TSHZ3: variants seen among roughly 807,000 people sequenced by gnomAD.
TSHZ3 encodes the protein teashirt zinc finger homeobox 3, also known as teashirt homolog 3.
A neutral mutation model predicts 64.5 loss-of-function variants in TSHZ3; 10 were observed. That is an observed-to-expected ratio of 0.16 (90% confidence interval 0.10 to 0.26). The LOEUF is 0.26. Ranked by LOEUF, TSHZ3 falls within the 10% of genes least tolerant of loss-of-function variation. The pLI is 1.00. For synonymous variants in TSHZ3, 608 were observed against 593.1 expected, an observed-to-expected ratio of 1.03 and a Z score of -0.36; for missense variants, 1,242 against 1,421.7, an observed-to-expected ratio of 0.87 and a Z score of 2.03.
intron 1 of TSHZ3, among the ~76,000 whole-genome samples, chr19:31,264,654 T>C (rs1976024990): frequency 6.6e-6 from 1 of 152,174 alleles, no homozygotes; most frequent in South Asian, 2.1e-4. Context: ...CTCACTGTTG[T>C]ATGAAATCTC....
At chr19:31,266,815 T>G (rs377490466) in intron 1 of TSHZ3, among the ~76,000 whole-genome samples, 1 of 152,308 alleles carries the variant, frequency 6.6e-6, no homozygotes, top group Non-Finnish European at 1.5e-5. Context: ...ACCATGAGCC[T>G]CACCATCTCA....
intron 1 of TSHZ3, among the ~76,000 whole-genome samples, chr19:31,265,662 A>G (rs1976045486): frequency 6.6e-6 from 1 of 152,014 alleles, no homozygotes; most frequent in African/African-American, 2.4e-5. Flanking sequence ...CCCTAAACAT[A>G]TGGCTTGAAC....
chr19:31,265,244 A>C (rs1568363070), intron 1 of TSHZ3, among the ~76,000 whole-genome samples: 1 of 151,912 alleles, frequency 6.6e-6, no homozygotes, highest in Non-Finnish European at 1.5e-5. Flanking sequence ...TAAAAATATG[A>C]AAATTAGCCG....
intron 1 of TSHZ3, among the ~76,000 whole-genome samples, chr19:31,301,959 G>A (rs16965414): frequency 0.3 from 46,230 of 151,866 alleles, 7,835 homozygotes; most frequent in East Asian, 0.45. Context: ...CTAGGCGCCT[G>A]TTACATTCCA....
intron 5 of TSHZ3, among the ~76,000 whole-genome samples, chr19:31,177,110 C>A (rs1974621174): frequency 6.6e-6 from 1 of 152,162 alleles, no homozygotes. Flanking sequence ...CTGCCCTATC[C>A]CAGCAGACTT....
rs78634158 is a variant in TSHZ3, at chr19:31,280,696, G to A, written c.41-944C>T. 1.2e-4 allele frequency among the ~76,000 whole-genome samples: 18 copies of A among 152,344 alleles called. No individual in the cohort carries two copies. The East Asian group carries it at 3.1e-3, about 26-fold the overall frequency. ...GTATAAGCTTCATGGGCATCCAACA[G>A]AGATCCTGTCTTTCTGGAAGCGATG... On this transcript the variant is annotated intron_variant, in intron 1 of 1. Coordinates refer to ENST00000240587, the MANE Select transcript of TSHZ3 (RefSeq NM_020856.4).
intron 1 of TSHZ3, among the ~76,000 whole-genome samples, chr19:31,262,253 C>A (rs972736581): frequency 6.6e-6 from 1 of 152,214 alleles, no homozygotes; most frequent in African/African-American, 2.4e-5. Flanking sequence ...TCTACCTCCG[C>A]GGTACAGTAC....
At chr19:31,250,138 A>C (rs890824401) in intron 1 of TSHZ3, among the ~76,000 whole-genome samples, 1 of 152,238 alleles carries the variant, frequency 6.6e-6, no homozygotes, top group African/African-American at 2.4e-5. Context: ...TCTTAAAAGC[A>C]CTGAAGGAAA....
intron 1 of TSHZ3, among the ~76,000 whole-genome samples, chr19:31,327,870 C>CT (rs1297808693): frequency 6.6e-6 from 1 of 152,202 alleles, no homozygotes; most frequent in East Asian, 1.9e-4. Context: ...ACGATATTCT[C>CT]TTATTTGTTT....
At chr19:31,216,302 C>T (rs896030801) in intron 4 of TSHZ3, among the ~76,000 whole-genome samples, 1 of 152,178 alleles carries the variant, frequency 6.6e-6, no homozygotes, top group African/African-American at 2.4e-5. Context: ...ACTAGGACCC[C>T]TATCAGCAAG....
intron 1 of TSHZ3, among the ~76,000 whole-genome samples, chr19:31,284,324 C>G (rs375973325): frequency 6.6e-5 from 10 of 152,014 alleles, no homozygotes; most frequent in African/African-American, 2.4e-4. Context: ...TCACCCCATC[C>G]CCAACCAACT....
intron 1 of TSHZ3, among the ~76,000 whole-genome samples, chr19:31,306,550 C>T (rs1490355899): frequency 2.0e-5 from 3 of 152,136 alleles, no homozygotes; most frequent in African/African-American, 7.2e-5. Flanking sequence ...TGCACTCATG[C>T]ATGGGCGTGT....
chr19:31,174,652 T>C (rs1195189239), intron 5 of TSHZ3, among the ~76,000 whole-genome samples: 1 of 152,212 alleles, frequency 6.6e-6, no homozygotes, highest in East Asian at 1.9e-4. Flanking sequence ...GAGTATCACA[T>C]CCACCAGCTG....
At position 31,349,239 on chromosome 19, in the gene TSHZ3, C is replaced by A; in HGVS notation, c.-20G>T. ...CGGCATGATGCTTCTCCGGCGACTG[C>A]CACTGCCGCCGCCGCCGCCGCTGCC... On this transcript the variant is annotated 5_prime_UTR_variant, in exon 1 of 2. Transcript: ENST00000240587. The A allele has an allele frequency of 1.3e-6, 2 of 1,533,600 alleles. No individual in the cohort carries two copies. The highest frequency in any genetic ancestry group is 1.8e-6 in the Non-Finnish European group (2 of 1,141,986). The allele number at this position is 1,533,600 out of a possible 1,614,324, so 95.0% of individuals were successfully genotyped here. A position where few individuals can be genotyped will look rare whatever the true frequency, so the allele number is the denominator to read the frequency against.
intron 1 of TSHZ3, among the ~76,000 whole-genome samples, chr19:31,252,122 G>C (rs150665983): frequency 1.9e-3 from 296 of 152,312 alleles, no homozygotes; most frequent in Middle Eastern, 0.01. Context: ...CATTAAACAT[G>C]GTGGCTTAAA....
intron 5 of TSHZ3, among the ~76,000 whole-genome samples, chr19:31,171,611 G>GAA (rs34633479): frequency 3.6e-5 from 5 of 138,326 alleles, no homozygotes. Context: ...ATTCAAAAAA[G>GAA]AAAAAAAAAA....
intron 1 of TSHZ3, among the ~76,000 whole-genome samples, chr19:31,310,092 T>C (rs1393570783): frequency 6.6e-6 from 1 of 152,222 alleles, no homozygotes; most frequent in Non-Finnish European, 1.5e-5. Flanking sequence ...TCCTTGAGTT[T>C]GAGCGACATC....
In TSHZ3 at chr19:31,279,142, C is replaced by T. The variant is rs1328760506; in HGVS notation, c.651G>A (p.Lys217=). The T allele has an allele frequency of 6.2e-7, 1 of 1,613,212 alleles. No homozygotes were observed. Among genetic ancestry groups the T allele is most frequent in the African/African-American group, 1.3e-5 (1 of 74,900 alleles). The change falls in exon 2 of 2, where the codon AAG becomes AAA. Residue 217 remains lysine, a synonymous_variant. Coordinates refer to ENST00000240587, the MANE Select transcript of TSHZ3 (RefSeq NM_020856.4). This position sits in a 1 kb window ranked among gnomAD's most constrained non-coding sequence, Gnocchi z 6.4. ...IFTGASKFRC[K]DCSAAYDTLV... ...GGGTGTCGTAGGCAGCGCTGCAGTC[C>T]TTACAGCGGAACTTGCTGGCCCCCG... is the stretch of plus-strand genomic sequence containing the variant.
intron 5 of TSHZ3, among the ~76,000 whole-genome samples, chr19:31,161,076 T>G (rs1974368752): frequency 1.3e-5 from 2 of 152,342 alleles, no homozygotes; most frequent in South Asian, 4.1e-4. Context: ...TATATATCTT[T>G]GCGTGCGTGT....
Sources: gnomAD v4.1 joint callset for allele counts (sites outside exome capture counted in the v4.1 genomes callset) on GRCh38, gnomAD v4.1.1 for gene constraint, Gnocchi (gnomAD v3.1) non-coding constraint, MANE v1.5 for transcripts, NCBI Gene and HGNC (gene_info 2026-07-23, HGNC 2026-07-21) for gene names.